Variants in MYO5C observed in about 807,000 individuals in gnomAD.
The protein encoded by MYO5C is unconventional myosin-Vc.
Under a neutral mutation model 235.7 loss-of-function variants are expected in MYO5C, and 194 were observed. The observed-to-expected ratio is 0.82, with a 90% CI of 0.73 to 0.93. MYO5C has a LOEUF of 0.93. Ranked by LOEUF, MYO5C falls within the 40% of genes least tolerant of loss-of-function variation. MYO5C has a pLI of 0.00. For missense variants in MYO5C, 2,038 were observed against 2,127.2 expected (o/e 0.96, Z 0.82); for synonymous variants, 707 against 754.8 (o/e 0.94, Z 1.04).
At chr15:52,240,936 C>T (rs1463437442) in intron 20 of MYO5C, among the ~76,000 whole-genome samples, 1 of 152,204 alleles carries the variant, frequency 6.6e-6, no homozygotes, top group Non-Finnish European at 1.5e-5. Flanking sequence ...CATCCACTCA[C>T]AGGATGGATC....
Position 52,193,675 on chromosome 15 carries a change from G to A in MYO5C, c.*227C>T, listed in dbSNP as rs909210107. 5 of 483,722 alleles carry A rather than the reference G, an allele frequency of 1.0e-5. No homozygotes were observed. Among genetic ancestry groups the A allele is most frequent in the African/African-American group, 4.1e-5 (2 of 49,070 alleles). 30.0% of individuals were successfully genotyped at this position (483,722 alleles called of 1,614,324 possible). ...TTTCAGTGAAAACCAGCTGAGATTC[G>A]AGAGTGAGACATGGCTTTTCCAAAT... On this transcript the variant is annotated 3_prime_UTR_variant, in exon 41 of 41. Coordinates refer to ENST00000261839, the MANE Select transcript of MYO5C (RefSeq NM_018728.4).
chr15:52,214,684 C>G lies in MYO5C; in HGVS notation c.3961G>C (p.Glu1321Gln). 1 of 1,599,602 alleles carries G rather than the reference C, an allele frequency of 6.3e-7. No homozygotes were observed. The highest frequency in any genetic ancestry group is 8.5e-7 in the Non-Finnish European group (1 of 1,172,476). Reference protein sequence around the residue: ...SRLTLENRDLEEELDMKDRVI... With the variant: ...SRLTLENRDLQEELDMKDRVI... Reference sequence around the variant, plus strand: ...CTGTCTTTCATGTCTAATTCTTCTTCAAGATCCTACAGCAATAAAAAGAAA... The same window carrying G: ...CTGTCTTTCATGTCTAATTCTTCTTGAAGATCCTACAGCAATAAAAAGAAA... Residue 1321 changes from glutamate to glutamine, a missense_variant, in exon 33 of 41, where the codon GAA (glutamate) becomes CAA (glutamine). Glu to Gln is a conservative substitution (Grantham distance 29). Coordinates refer to ENST00000261839, the MANE Select transcript of MYO5C (RefSeq NM_018728.4).
chr15:52,254,919 G>C (rs1206220363), intron 11 of MYO5C, among the ~76,000 whole-genome samples: 1 of 150,784 alleles, frequency 6.6e-6, no homozygotes, highest in Admixed American at 6.6e-5. Context: ...AGTTATTAAT[G>C]TTAAACTTCC....
At chr15:52,233,964 A>G (rs796715700) in intron 23 of MYO5C, among the ~76,000 whole-genome samples, 2 of 152,352 alleles carry the variant, frequency 1.3e-5, no homozygotes, top group African/African-American at 4.8e-5. Context: ...ACATAGTGCC[A>G]AATGTTTCTG....
chr15:52,217,495 C>A (rs2035582128), intron 32 of MYO5C, among the ~76,000 whole-genome samples: 1 of 152,206 alleles, frequency 6.6e-6, no homozygotes, highest in Non-Finnish European at 1.5e-5. Context: ...CAGGGGCCCA[C>A]AGGAGGCAAG....
chr15:52,242,581 A>G (rs905885712), intron 19 of MYO5C: 2 of 179,862 alleles, frequency 1.1e-5, no homozygotes, highest in Non-Finnish European at 2.4e-5. Context: ...CAAGCCCCCA[A>G]TGCCTTAAAT....
At chr15:52,204,722 G>A (rs2035261567) in intron 38 of MYO5C, 143 bp downstream of exon 38, 5 of 1,030,976 alleles carry the variant, frequency 4.8e-6, no homozygotes, top group Non-Finnish European at 5.5e-6. Flanking sequence ...GGGCTCCTAG[G>A]GTGACTCGAA....
chr15:52,244,129 C>T (rs768266005), intron 19 of MYO5C, among the ~76,000 whole-genome samples: 9 of 152,176 alleles, frequency 5.9e-5, no homozygotes, highest in Admixed American at 5.9e-4. Context: ...CCCTGCAGGG[C>T]CCTGGGTGTC....
At chr15:52,206,750 C>A (rs1269739008) in intron 36 of MYO5C, among the ~76,000 whole-genome samples, 2 of 152,190 alleles carry the variant, frequency 1.3e-5, no homozygotes, top group Non-Finnish European at 2.9e-5. Context: ...GCCACCCAGC[C>A]TGCGGTATTT....
At chr15:52,256,601 G>GCGCGCGCGCGCGC (rs71425737) in intron 11 of MYO5C, 38 bp downstream of exon 11, 3 of 1,496,704 alleles carry the variant, frequency 2.0e-6, no homozygotes, top group East Asian at 4.6e-5. Flanking sequence ...GCGCGCGCGC[G>GCGCGCGCGCGCGC]GCTGAGAACT....
intron 38 of MYO5C, among the ~76,000 whole-genome samples, chr15:52,199,028 G>A (rs1233795575): frequency 6.6e-6 from 1 of 151,954 alleles, no homozygotes; most frequent in Non-Finnish European, 1.5e-5. Flanking sequence ...CGAGTAGCTG[G>A]GACTACAGCT....
chr15:52,207,512 G>A (rs2035346803), intron 36 of MYO5C, among the ~76,000 whole-genome samples: 2 of 152,196 alleles, frequency 1.3e-5, no homozygotes, highest in South Asian at 2.1e-4. Flanking sequence ...CTATATGGAA[G>A]AGGATATTAG....
intron 4 of MYO5C, among the ~76,000 whole-genome samples, chr15:52,276,717 ATTATT>A (rs2037060751): frequency 6.6e-6 from 1 of 152,182 alleles, no homozygotes; most frequent in African/African-American, 2.4e-5. Flanking sequence ...TTTCAAGGAC[ATTATT>A]TTGAGAGCAA....
At position 52,295,719 on chromosome 15, in the gene MYO5C, A is replaced by G. The variant is rs1240723729; in HGVS notation, c.-83T>C. ...GGCCTGCGCCGCAGAGGCCGGGCGC[A>G]GGAGAGACCGCCGCGGAAATCACCG... is the stretch of plus-strand genomic sequence containing the variant. On this transcript the variant is annotated 5_prime_UTR_variant, in exon 1 of 41. Transcript: ENST00000261839. 11 of 968,584 alleles carry G rather than the reference A, an allele frequency of 1.1e-5. No individual in the cohort carries two copies. Among genetic ancestry groups the G allele is most frequent in the Admixed American group, 8.5e-5 (2 of 23,496 alleles). The allele number at this position is 968,584 out of a possible 1,614,324, so 60.0% of individuals were successfully genotyped here.
intron 21 of MYO5C, among the ~76,000 whole-genome samples, chr15:52,238,930 C>T (rs906345619): frequency 1.9e-4 from 28 of 150,690 alleles, no homozygotes; most frequent in African/African-American, 2.2e-4. Context: ...CGTGAGCCAC[C>T]GCACCCAGCT....
intron 2 of MYO5C, 117 bp downstream of exon 2, chr15:52,282,664 GC>G: frequency 2.9e-6 from 2 of 698,616 alleles, no homozygotes; most frequent in Non-Finnish European, 5.2e-6. Context: ...TGGTGCTGGT[GC>G]CCACTCGTGC....
intron 11 of MYO5C, among the ~76,000 whole-genome samples, chr15:52,254,575 G>A (rs141418755): frequency 6.6e-5 from 10 of 152,080 alleles, no homozygotes; most frequent in African/African-American, 2.4e-4. Flanking sequence ...AAAGCTTTCT[G>A]TGCTGACAAT....
At position 52,252,636 on chromosome 15, in the gene MYO5C, A is replaced by G. The variant is rs151192332; in HGVS notation, c.1536+681T>C. Reference sequence around the variant, plus strand: ...CAAAAATACAAAAAATTAGCTGGGCATGGTGGTGTGCGCCTATAATTCCAG... The same window carrying G: ...CAAAAATACAAAAAATTAGCTGGGCGTGGTGGTGTGCGCCTATAATTCCAG... On this transcript the variant is annotated intron_variant, in intron 12 of 40. Coordinates refer to ENST00000261839, the MANE Select transcript of MYO5C (RefSeq NM_018728.4). Among the ~76,000 whole-genome samples the G allele has an allele frequency of 4.4e-3, 672 of 152,198 alleles. 16 individuals carry two copies. The highest frequency in any genetic ancestry group is 0.027 in the Admixed American group (414 of 15,282).
intron 1 of MYO5C, among the ~76,000 whole-genome samples, chr15:52,287,720 T>C (rs1260235634): frequency 2.0e-5 from 3 of 152,198 alleles, no homozygotes; most frequent in Non-Finnish European, 4.4e-5. Context: ...CTCACGTGTG[T>C]AATCCCAGCA....
Sources: gnomAD v4.1 joint callset for allele counts (sites outside exome capture counted in the v4.1 genomes callset) on GRCh38, gnomAD v4.1.1 for gene constraint, MANE v1.5 for transcripts, NCBI Gene and HGNC (gene_info 2026-07-23, HGNC 2026-07-21) for gene names.